LIPA: variants seen among roughly 807,000 people sequenced by gnomAD.
LIPA encodes the protein lysosomal acid lipase/cholesteryl ester hydrolase.
LIPA carries 26 observed loss-of-function variants against 40.6 expected under a neutral mutation model. The observed-to-expected ratio is 0.64, with a 90% CI of 0.47 to 0.89. The LOEUF is 0.89. LIPA is among the 40% of genes least tolerant of loss of function. LIPA has a pLI of 0.00. For missense variants in LIPA, 455 were observed against 479.6 expected, an observed-to-expected ratio of 0.95 and a Z score of 0.48; for synonymous variants, 188 against 168.4, an observed-to-expected ratio of 1.12 and a Z score of -0.90.
At chr10:89,225,892 C>T (rs1842763290) in intron 5 of LIPA, among the ~76,000 whole-genome samples, 1 of 152,170 alleles carries the variant, frequency 6.6e-6, no homozygotes, top group Non-Finnish European at 1.5e-5. Flanking sequence ...ACTTGGCTCT[C>T]ACTCTCTCTT....
intron 2 of LIPA, among the ~76,000 whole-genome samples, chr10:89,381,503 A>G (rs1844162839): frequency 6.6e-6 from 1 of 152,182 alleles, no homozygotes; most frequent in Non-Finnish European, 1.5e-5. Context: ...TCAACTATAC[A>G]GTCCTATCCT....
At chr10:89,242,811 ATTCT>A (rs1472509335) in intron 3 of LIPA, among the ~76,000 whole-genome samples, 4 of 152,244 alleles carry the variant, frequency 2.6e-5, no homozygotes, top group African/African-American at 7.2e-5. Flanking sequence ...CTGTCTTGAA[ATTCT>A]TTCTTTCTGT....
At chr10:89,338,579 C>A in intron 1 of LIPA, 1 of 1,332,946 alleles carries the variant, frequency 7.5e-7, no homozygotes, top group South Asian at 1.4e-5. Context: ...TGGCCCAGTT[C>A]AATTGACATA....
At chr10:89,381,125 C>G (rs986443675) in intron 2 of LIPA, among the ~76,000 whole-genome samples, 16 of 152,158 alleles carry the variant, frequency 1.1e-4, no homozygotes, top group African/African-American at 3.9e-4. Flanking sequence ...GGGCTAGCAG[C>G]TGAGATGCTG....
intron 2 of LIPA, among the ~76,000 whole-genome samples, chr10:89,387,310 T>C (rs1297460984): frequency 1.1e-4 from 14 of 124,812 alleles, no homozygotes; most frequent in Non-Finnish European, 2.1e-4. Flanking sequence ...AGAGCAAGAC[T>C]CCGTCTCAAA....
chr10:89,270,821 T>C (rs1022155035), intron 1 of LIPA, among the ~76,000 whole-genome samples: 2 of 152,196 alleles, frequency 1.3e-5, no homozygotes, highest in African/African-American at 2.4e-5. Context: ...CTTTAGCAGG[T>C]AAATCACAGA....
intron 1 of LIPA, chr10:89,328,186 C>T: frequency 9.1e-7 from 1 of 1,101,758 alleles, no homozygotes; most frequent in Middle Eastern, 2.0e-4. Flanking sequence ...TTTATAGATT[C>T]AATATGTCTT....
chr10:89,407,055 C>T (rs1841422153), intron 2 of LIPA, among the ~76,000 whole-genome samples: 2 of 152,122 alleles, frequency 1.3e-5, no homozygotes, highest in South Asian at 2.1e-4. Context: ...ACCCCCAACT[C>T]TTTGGAGTTG....
chr10:89,407,995 G>A (rs533769955), intron 2 of LIPA, among the ~76,000 whole-genome samples: 3 of 152,286 alleles, frequency 2.0e-5, no homozygotes, highest in South Asian at 4.1e-4. Flanking sequence ...TTCTGCTGCT[G>A]CATCAGTGAG....
chr10:89,378,606 G>A (rs905196481), intron 2 of LIPA, among the ~76,000 whole-genome samples: 4 of 152,168 alleles, frequency 2.6e-5, no homozygotes, highest in Non-Finnish European at 4.4e-5. Context: ...TTAATATCTG[G>A]CTGGTGCTCC....
chr10:89,366,925 C>T (rs1564800788), intron 2 of LIPA, among the ~76,000 whole-genome samples: 1 of 152,138 alleles, frequency 6.6e-6, no homozygotes, highest in Non-Finnish European at 1.5e-5. Flanking sequence ...GGAACCAATC[C>T]AAATGTCCAT....
intron 2 of LIPA, among the ~76,000 whole-genome samples, chr10:89,394,599 TA>T (rs763122646): frequency 0.16 from 4,490 of 27,774 alleles, 429 homozygotes; most frequent in African/African-American, 0.43. Flanking sequence ...TATATATATA[TA>T]TATATATATA....
chr10:89,279,553 T>C (rs1445927158), intron 1 of LIPA, among the ~76,000 whole-genome samples: 1 of 152,222 alleles, frequency 6.6e-6, no homozygotes, highest in African/African-American at 2.4e-5. Context: ...GTTCCTGTCA[T>C]GACCCTTGAT....
chr10:89,230,581 C>T (rs1842828397), intron 3 of LIPA, among the ~76,000 whole-genome samples: 1 of 152,188 alleles, frequency 6.6e-6, no homozygotes. Flanking sequence ...GCGGGGTTTA[C>T]AGGTGTGAGC....
At chr10:89,334,650 G>A (rs976053367) in intron 1 of LIPA, among the ~76,000 whole-genome samples, 12 of 151,362 alleles carry the variant, frequency 7.9e-5, no homozygotes, top group African/African-American at 2.4e-4. Flanking sequence ...CTGCCACCAC[G>A]CCCGGCTAAT....
intron 2 of LIPA, among the ~76,000 whole-genome samples, chr10:89,380,435 C>CTTTT (rs58504474): frequency 7.1e-6 from 1 of 140,874 alleles, no homozygotes; most frequent in Admixed American, 7.1e-5. Flanking sequence ...ACAAACTCAT[C>CTTTT]TTTTTTTTTT....
intron 2 of LIPA, among the ~76,000 whole-genome samples, chr10:89,373,883 G>C (rs905908032): frequency 3.9e-5 from 6 of 152,146 alleles, no homozygotes; most frequent in Admixed American, 2.6e-4. Flanking sequence ...CACTGTAACA[G>C]ACCATATCCT....
intron 3 of LIPA, among the ~76,000 whole-genome samples, chr10:89,240,584 T>C (rs1842953548): frequency 6.6e-6 from 1 of 152,240 alleles, no homozygotes; most frequent in South Asian, 2.1e-4. Flanking sequence ...AGTATTATTC[T>C]TCCTGTTTAA....
At position 89,281,762 on chromosome 10, in the gene LIPA, G is replaced by A. The variant is rs147983304; in HGVS notation, c.-1-34113C>T. 2.0e-3 allele frequency among the ~76,000 whole-genome samples: 308 copies of A among 152,288 alleles called. 1 individual carries two copies. Among genetic ancestry groups the A allele is most frequent in the South Asian group, 3.3e-3 (16 of 4,830 alleles). Reference sequence around the variant, plus strand: ...TTTAGGTCATAAATGCCAGTTTTAGGGAAAGTATTAGGCAGGATGTATGAT... The same window carrying A: ...TTTAGGTCATAAATGCCAGTTTTAGAGAAAGTATTAGGCAGGATGTATGAT... On this transcript the variant is annotated intron_variant, in intron 1 of 5. Transcript: ENST00000282673.
Sources: allele counts gnomAD v4.1 joint callset (sites outside exome capture counted in the v4.1 genomes callset), GRCh38; gene constraint gnomAD v4.1.1; transcripts MANE v1.5; gene names NCBI Gene and HGNC (gene_info 2026-07-23, HGNC 2026-07-21).